USP24: variants seen among roughly 807,000 people sequenced by gnomAD.
USP24 encodes ubiquitin carboxyl-terminal hydrolase 24.
USP24 carries 97 observed loss-of-function variants against 361.6 expected under a neutral mutation model. That is an observed-to-expected ratio of 0.27 (90% CI 0.23 to 0.32). The LOEUF (loss-of-function observed/expected upper bound fraction) is 0.32. Ranked by LOEUF, USP24 falls within the 10% of genes least tolerant of loss-of-function variation. The probability of loss-of-function intolerance (pLI) is 1.00; values close to 1 mark genes in which losing one functional copy is unlikely to be tolerated. For synonymous variants in USP24, 1,098 were observed against 1,124.6 expected, an observed-to-expected ratio of 0.98 and a Z score of 0.47; for missense variants, 2,353 against 3,165.6, an observed-to-expected ratio of 0.74 and a Z score of 6.16.
chr1:55,120,446 C>A, intron 38 of USP24, 150 bp downstream of exon 38: 1 of 857,756 alleles, frequency 1.2e-6, no homozygotes, highest in Non-Finnish European at 1.7e-6. Flanking sequence ...ACTCTCCTAT[C>A]CAAATGCCAT....
chr1:55,188,135 T>C (rs566307844), intron 1 of USP24, among the ~76,000 whole-genome samples: 2 of 152,284 alleles, frequency 1.3e-5, no homozygotes, highest in African/African-American at 4.8e-5. Context: ...GACAACTTAA[T>C]CTTTCACAAA....
rs751707004 is a variant in USP24, at chr1:55,141,674, T to G, written c.2692A>C (p.Lys898Gln). The stretch of plus-strand genomic sequence containing the variant: ...GGCATGGCAGTTGCTGTAAGCATTT[T>G]TGTTGCTCTGGTCACAGCATGTGTT... ...TLTHAVTRAT[K>Q]MLTATAMPTV... The change falls in exon 24 of 68, where the codon AAA becomes CAA. Residue 898 changes from lysine to glutamine, a missense_variant. Lys to Gln is a moderately conservative substitution (Grantham distance 53). Coordinates refer to ENST00000294383, the MANE Select transcript of USP24 (RefSeq NM_015306.3). The G allele has an allele frequency of 1.2e-6, 2 of 1,612,390 alleles. No homozygotes were observed. The highest frequency in any genetic ancestry group is 3.3e-5 in the Admixed American group (2 of 59,824).
At chr1:55,105,793 T>C (rs766548454) in intron 41 of USP24, among the ~76,000 whole-genome samples, 34 of 152,220 alleles carry the variant, frequency 2.2e-4, no homozygotes, top group Non-Finnish European at 4.6e-4. Context: ...GCACCTATCG[T>C]TTTCTCCTGA....
chr1:55,197,670 T>G (rs185169937), intron 1 of USP24, among the ~76,000 whole-genome samples: 1 of 152,336 alleles, frequency 6.6e-6, no homozygotes, highest in Non-Finnish European at 1.5e-5. Context: ...TGGAGCTCTA[T>G]CTAATTCTCT....
At chr1:55,186,387 G>A (rs1644131776) in intron 1 of USP24, among the ~76,000 whole-genome samples, 1 of 152,092 alleles carries the variant, frequency 6.6e-6, no homozygotes, top group South Asian at 2.1e-4. Context: ...AAACTTAAAT[G>A]GAACTACCAT....
intron 42 of USP24, among the ~76,000 whole-genome samples, chr1:55,103,545 T>A (rs1223196668): frequency 6.6e-6 from 1 of 152,234 alleles, no homozygotes; most frequent in African/African-American, 2.4e-5. Flanking sequence ...ATAGAGCCAA[T>A]GTTTATTTGA....
chr1:55,151,644 G>A (rs1647195561), intron 16 of USP24, among the ~76,000 whole-genome samples: 1 of 151,750 alleles, frequency 6.6e-6, no homozygotes, highest in Admixed American at 6.6e-5. Context: ...CTTTTTAATT[G>A]AAGAAAAAAA....
chr1:55,121,847 C>T (rs1646291693), intron 36 of USP24, among the ~76,000 whole-genome samples: 2 of 152,066 alleles, frequency 1.3e-5, no homozygotes, highest in Non-Finnish European at 2.9e-5. Flanking sequence ...CAGATAAAAG[C>T]TTGGAGGGAA....
intron 12 of USP24, among the ~76,000 whole-genome samples, chr1:55,155,964 A>G (rs1463261202): frequency 6.6e-6 from 1 of 151,948 alleles, no homozygotes; most frequent in East Asian, 1.9e-4. Context: ...TTGCTCCTCT[A>G]CCTTACTTAG....
At chr1:55,187,875 C>T (rs1026528332) in intron 1 of USP24, among the ~76,000 whole-genome samples, 3 of 152,146 alleles carry the variant, frequency 2.0e-5, no homozygotes, top group Non-Finnish European at 4.4e-5. Flanking sequence ...AAATTGAACA[C>T]AATCCGCATC....
chr1:55,148,354 A>C, intron 17 of USP24, 109 bp downstream of exon 17: 2 of 664,548 alleles, frequency 3.0e-6, no homozygotes, highest in Non-Finnish European at 4.7e-6. Flanking sequence ...AGTGAATTAC[A>C]TCAATAAACA....
chr1:55,106,214 A>G lies in USP24; in HGVS notation c.4812T>C (p.Ser1604=), dbSNP rs1645768235. 4 of 1,613,900 alleles carry G rather than the reference A, an allele frequency of 2.5e-6. No individual in the cohort carries two copies. Among genetic ancestry groups the G allele is most frequent in the Non-Finnish European group, 3.4e-6 (4 of 1,179,874 alleles). Residue 1604 remains serine (S), a synonymous_variant, in exon 41 of 68, where the codon TCT becomes TCC. Coordinates refer to ENST00000294383, the MANE Select transcript of USP24 (RefSeq NM_015306.3). ...GAGAATGACTATTTAAAATAATTCT[A>G]GAAGCTCGGAAAAGGAAGTCATCTA... ...PLLDDFLFRA[S]RIILNSHSPA...
intron 28 of USP24, among the ~76,000 whole-genome samples, chr1:55,135,819 G>A (rs949806308): frequency 9.2e-5 from 14 of 152,062 alleles, no homozygotes; most frequent in African/African-American, 3.1e-4. Flanking sequence ...CTTTACATTA[G>A]CTTGCTTTCT....
At chr1:55,192,224 T>C (rs972834223) in intron 1 of USP24, among the ~76,000 whole-genome samples, 3 of 152,236 alleles carry the variant, frequency 2.0e-5, no homozygotes, top group African/African-American at 7.2e-5. Flanking sequence ...CCAACAAGGA[T>C]ACATTACTGT....
chr1:55,197,242 CT>C (rs1306848801), intron 1 of USP24, among the ~76,000 whole-genome samples: 4 of 152,190 alleles, frequency 2.6e-5, no homozygotes, highest in Non-Finnish European at 5.9e-5. Flanking sequence ...ATCATACCCC[CT>C]ACCCACTGCT....
rs1006444938 is a variant in USP24 at position 55,180,836 on chromosome 1, A to G, written c.325-2704T>C. 3.9e-4 allele frequency among the ~76,000 whole-genome samples: 59 copies of G among 152,336 alleles called. 1 individual carries two copies. Among genetic ancestry groups the G allele is most frequent in the Admixed American group, 3.7e-3 (57 of 15,302 alleles). ...TCACTAGACCAAGCTGCCTAAGGGCATGGACCTTATCTATTTTTGACCACC... is the reference window on the plus strand; with the variant it reads ...TCACTAGACCAAGCTGCCTAAGGGCGTGGACCTTATCTATTTTTGACCACC... On this transcript the variant is annotated intron_variant, in intron 1 of 67. Transcript: ENST00000294383.
chr1:55,159,768 C>T (rs1648079472), intron 8 of USP24, 83 bp from the exon 9 acceptor site: 1 of 1,275,802 alleles, frequency 7.8e-7, no homozygotes, highest in South Asian at 1.3e-5. Context: ...CTACAATTCA[C>T]AAAGGAGAAG....
chr1:55,113,692 T>C (rs75699286), intron 38 of USP24, among the ~76,000 whole-genome samples: 1 of 152,284 alleles, frequency 6.6e-6, no homozygotes, highest in Non-Finnish European at 1.5e-5. Context: ...ACGATCAAGT[T>C]GGCTTCATCC....
intron 10 of USP24, 67 bp from the exon 11 acceptor site, chr1:55,157,437 A>C (rs1247353810): frequency 2.2e-6 from 2 of 922,580 alleles, no homozygotes; most frequent in Non-Finnish European, 3.2e-6. Flanking sequence ...AGATAGATAG[A>C]TAATTTTTAC....
Sources: allele counts gnomAD v4.1 joint callset (sites outside exome capture counted in the v4.1 genomes callset), GRCh38; gene constraint gnomAD v4.1.1; transcripts MANE v1.5; gene names NCBI Gene and HGNC (gene_info 2026-07-23, HGNC 2026-07-21).